The following CPLX2 variants were observed in gnomAD, a reference collection of about 807,000 sequenced individuals.
The protein encoded by CPLX2 is complexin 2.
CPLX2 carries 5 observed loss-of-function variants against 16.3 expected under a neutral mutation model. The ratio of observed to expected loss-of-function variants is 0.31; its 90% confidence interval spans 0.16 to 0.64. The LOEUF (loss-of-function observed/expected upper bound fraction) is 0.64. CPLX2 is among the 30% of genes least tolerant of loss of function. The pLI, the probability that CPLX2 is intolerant of heterozygous loss-of-function variation, is 0.79. For missense variants in CPLX2, 144 were observed against 181.4 expected, an observed-to-expected ratio of 0.79 and a Z score of 1.18; for synonymous variants, 89 against 73.2, an observed-to-expected ratio of 1.22 and a Z score of -1.10.
chr5:175,799,548 A>ATTTATATATATTTT (rs33953622), intron 1 of CPLX2, among the ~76,000 whole-genome samples: 7 of 125,484 alleles, frequency 5.6e-5, no homozygotes, highest in East Asian at 2.2e-4. Context: ...TCATATATAT[A>ATTTATATATATTTT]TATATATATA....
rs980829608 is a variant in CPLX2, at chr5:175,817,672, G to A, written c.-89+8604G>A. 6.6e-4 allele frequency among the ~76,000 whole-genome samples: 101 copies of A among 152,320 alleles called. 1 individual carries two copies. Among genetic ancestry groups the A allele is most frequent in the African/African-American group, 2.2e-3 (92 of 41,568 alleles). On this transcript the variant is annotated intron_variant, in intron 2 of 4. Coordinates refer to the CPLX2 transcript ENST00000359546. ...CTAGGGACTAGGGATTGAGGGGAAG[G>A]TGCCTGGCTCACTTCCCCACCTGGC...
chr5:175,810,078 C>T (rs1204924207), intron 2 of CPLX2, among the ~76,000 whole-genome samples: 1 of 152,200 alleles, frequency 6.6e-6, no homozygotes, highest in Non-Finnish European at 1.5e-5. Context: ...CTTCACTGTT[C>T]ACAAATGAGA....
intron 2 of CPLX2, among the ~76,000 whole-genome samples, chr5:175,863,269 C>T (rs955648013): frequency 4.6e-5 from 7 of 152,232 alleles, no homozygotes; most frequent in African/African-American, 1.7e-4. Flanking sequence ...ATAGGGTGCC[C>T]TAGCAAGATC....
chr5:175,822,978 G>A lies in CPLX2; in HGVS notation c.-89+13910G>A, dbSNP rs548190412. Among the ~76,000 whole-genome samples the A allele has an allele frequency of 8.5e-4, 129 of 152,324 alleles. 1 individual carries two copies. Among genetic ancestry groups the A allele is most frequent in the African/African-American group, 2.9e-3 (122 of 41,552 alleles). On this transcript the variant is annotated intron_variant, in intron 2 of 4. Coordinates refer to the CPLX2 transcript ENST00000359546. ...TTACGAATCAAGCTCCTTGAGCAAC[G>A]GAGACAAGAAACACAGGGAAAGGAA...
chr5:175,799,022 T>G (rs965047342), intron 1 of CPLX2, among the ~76,000 whole-genome samples: 26 of 152,224 alleles, frequency 1.7e-4, no homozygotes, highest in African/African-American at 6.3e-4. Context: ...GCAGAATGTT[T>G]TGAGAAGCCA....
At position 175,880,200 on chromosome 5, in the gene CPLX2, C is replaced by G. The variant is rs1215773116; in HGVS notation, c.*155C>G. 1 of 777,608 alleles carries G rather than the reference C, an allele frequency of 1.3e-6. No homozygotes were observed. The highest frequency in any genetic ancestry group is 1.5e-5 in the South Asian group (1 of 67,914). The allele number at this position is 777,608 out of a possible 1,614,324, so 48.2% of individuals were successfully genotyped here. On this transcript the variant is annotated 3_prime_UTR_variant, in exon 4 of 4. Coordinates refer to ENST00000393745, the MANE Select transcript of CPLX2 (RefSeq NM_001008220.2). Reference sequence around the variant, plus strand: ...AGGGGCTTCTCCCCCTCAGCTCTCCCTCACACCTCCCTTCATCCCAGGGTA... The same window carrying G: ...AGGGGCTTCTCCCCCTCAGCTCTCCGTCACACCTCCCTTCATCCCAGGGTA...
intron 2 of CPLX2, among the ~76,000 whole-genome samples, chr5:175,859,653 G>C (rs994526625): frequency 5.3e-5 from 8 of 152,258 alleles, no homozygotes; most frequent in African/African-American, 1.9e-4. Flanking sequence ...GCATCTTTGA[G>C]GGGGTGTGGA....
chr5:175,861,226 A>G (rs1759365889), intron 2 of CPLX2, among the ~76,000 whole-genome samples: 1 of 152,172 alleles, frequency 6.6e-6, no homozygotes. Flanking sequence ...CCACAATCAA[A>G]AAAGCCTTGG....
At chr5:175,834,596 G>A (rs964246095) in intron 2 of CPLX2, among the ~76,000 whole-genome samples, 9 of 152,154 alleles carry the variant, frequency 5.9e-5, no homozygotes, top group African/African-American at 2.2e-4. Context: ...TGTGGAGCTG[G>A]GTGTGGTGGC....
chr5:175,827,189 G>C (rs910059128), intron 2 of CPLX2, among the ~76,000 whole-genome samples: 10 of 152,178 alleles, frequency 6.6e-5, no homozygotes, highest in African/African-American at 2.4e-4. Flanking sequence ...GCCAGAGGGT[G>C]GACTACACTG....
rs1288239471 is a variant in CPLX2 at position 175,806,949 on chromosome 5, C to T, written c.-168-2040C>T. On this transcript the variant is annotated intron_variant, in intron 1 of 4. Coordinates refer to the CPLX2 transcript ENST00000359546. ...ATCCTCTGTGTGGTAGGGGTTATGA[C>T]ATTGGCCTTGCCAGGCTAGCGGGAG... Among the ~76,000 whole-genome samples the T allele has an allele frequency of 2.6e-5, 4 of 152,192 alleles. No individual in the cohort carries two copies. The East Asian group carries it at 7.7e-4, about 29-fold the overall frequency.
At chr5:175,802,413 C>T (rs1758116336) in intron 1 of CPLX2, among the ~76,000 whole-genome samples, 6 of 152,204 alleles carry the variant, frequency 3.9e-5, no homozygotes, top group Admixed American at 3.9e-4. Flanking sequence ...GTTCCTCAGA[C>T]ATTCAGTGTG....
intron 1 of CPLX2, among the ~76,000 whole-genome samples, chr5:175,806,163 C>G (rs1315453987): frequency 6.6e-6 from 1 of 151,612 alleles, no homozygotes; most frequent in African/African-American, 2.4e-5. Flanking sequence ...TCCTCTAAGG[C>G]CCCTTCTAAA....
chr5:175,824,886 G>A (rs1418058078), intron 2 of CPLX2, among the ~76,000 whole-genome samples: 1 of 152,180 alleles, frequency 6.6e-6, no homozygotes, highest in Non-Finnish European at 1.5e-5. Context: ...TCACTGGCCT[G>A]GCTGTGATGG....
At chr5:175,840,166 G>A (rs1452622621) in intron 2 of CPLX2, among the ~76,000 whole-genome samples, 1 of 151,738 alleles carries the variant, frequency 6.6e-6, no homozygotes, top group Non-Finnish European at 1.5e-5. Context: ...CTTTTTTAAA[G>A]GAAAGTCTTC....
At chr5:175,840,330 A>G (rs1263908811) in intron 2 of CPLX2, among the ~76,000 whole-genome samples, 1 of 152,244 alleles carries the variant, frequency 6.6e-6, no homozygotes, top group Non-Finnish European at 1.5e-5. Flanking sequence ...GGTGTTTTAC[A>G]GATAACAGAT....
rs1328412324 is a variant in CPLX2, at chr5:175,878,687, C to G, written c.-53C>G. 1.9e-6 allele frequency: 3 copies of G among 1,600,174 alleles called. No homozygotes were observed. The African/African-American group carries it at 4.0e-5, about 21-fold the overall frequency. On this transcript the variant is annotated 5_prime_UTR_variant, in exon 2 of 4. Coordinates refer to ENST00000393745, the MANE Select transcript of CPLX2 (RefSeq NM_001008220.2). Reference sequence around the variant, plus strand: ...CTTCCCAAGCCAGGCCAGCCAGGAGCGCTGCATGCAAATTCTGCCGTGGGC... The same window carrying G: ...CTTCCCAAGCCAGGCCAGCCAGGAGGGCTGCATGCAAATTCTGCCGTGGGC...
chr5:175,823,965 G>C (rs1432139808), intron 2 of CPLX2, among the ~76,000 whole-genome samples: 4 of 152,170 alleles, frequency 2.6e-5, no homozygotes, highest in African/African-American at 9.7e-5. Context: ...AATAATGCAT[G>C]TCCTCCTCCG....
At chr5:175,841,360 C>T (rs935698914) in intron 2 of CPLX2, among the ~76,000 whole-genome samples, 2 of 151,746 alleles carry the variant, frequency 1.3e-5, no homozygotes, top group Non-Finnish European at 2.9e-5. Context: ...CACAGGCTTA[C>T]GTGGGCACCA....
Sources: allele counts gnomAD v4.1 joint callset (sites outside exome capture counted in the v4.1 genomes callset), GRCh38; gene constraint gnomAD v4.1.1; transcripts MANE v1.5; gene names NCBI Gene and HGNC (gene_info 2026-07-23, HGNC 2026-07-21).